GSE1: variants seen among roughly 807,000 people sequenced by gnomAD.
GSE1 encodes the protein genetic suppressor element 1.
In GSE1, 32 loss-of-function variants were observed where a neutral mutation model predicts 112.6. That is an observed-to-expected ratio of 0.28 (90% CI 0.21 to 0.38). GSE1 has a LOEUF of 0.38. Ranked by LOEUF, GSE1 falls within the 10% of genes least tolerant of loss-of-function variation. The probability of loss-of-function intolerance (pLI) is 1.00; values close to 1 mark genes in which losing one functional copy is unlikely to be tolerated. For synonymous variants in GSE1, 1,115 were observed against 735.6 expected, an observed-to-expected ratio of 1.52 and a Z score of -8.35; for missense variants, 2,348 against 1,699.2, an observed-to-expected ratio of 1.38 and a Z score of -6.71.
chr16:85,663,859 A>C (rs150266035), intron 11 of GSE1, among the ~76,000 whole-genome samples: 34 of 152,352 alleles, frequency 2.2e-4, no homozygotes, highest in African/African-American at 7.7e-4. Context: ...CATGTCACTC[A>C]TCCATCTCCC....
intron 1 of GSE1, among the ~76,000 whole-genome samples, chr16:85,172,385 G>A (rs2143139250): frequency 6.6e-6 from 1 of 152,358 alleles, no homozygotes; most frequent in Non-Finnish European, 1.5e-5. Context: ...GAGGGACAGT[G>A]GCCTAAACAG....
chr16:85,467,590 C>G (rs987169235), intron 2 of GSE1, among the ~76,000 whole-genome samples: 1 of 152,178 alleles, frequency 6.6e-6, no homozygotes, highest in African/African-American at 2.4e-5. Flanking sequence ...ATCCCCCCAT[C>G]TCTCAACCTG....
intron 1 of GSE1, among the ~76,000 whole-genome samples, chr16:85,306,507 G>C (rs1392451407): frequency 6.6e-6 from 1 of 152,230 alleles, no homozygotes; most frequent in Non-Finnish European, 1.5e-5. Flanking sequence ...GGAGTTGCAG[G>C]AGAAAGGCTT....
At chr16:85,552,864 C>G (rs755151000), upstream of GSE1, among the ~76,000 whole-genome samples, 3 of 152,218 alleles carry the variant, frequency 2.0e-5, no homozygotes, top group Non-Finnish European at 4.4e-5. Context: ...AGGTTTATTG[C>G]CTGTACAGCT....
upstream of GSE1, among the ~76,000 whole-genome samples, chr16:85,553,261 G>A (rs1237387161): frequency 6.7e-6 from 1 of 149,940 alleles, no homozygotes; most frequent in South Asian, 2.1e-4. Context: ...GAGGGCAGGT[G>A]CCGGACCCCG....
intron 3 of GSE1, among the ~76,000 whole-genome samples, chr16:85,650,742 C>A (rs893765646): frequency 2.0e-5 from 3 of 152,168 alleles, no homozygotes; most frequent in Non-Finnish European, 4.4e-5. Context: ...GGCACAGAGG[C>A]TCAGCGGGGC....
chr16:85,479,716 G>A (rs892246556), intron 2 of GSE1, among the ~76,000 whole-genome samples: 4 of 152,282 alleles, frequency 2.6e-5, no homozygotes, highest in Admixed American at 6.5e-5. Flanking sequence ...GACACTGAGC[G>A]CAGCGAGGGG....
At chr16:85,475,146 C>T (rs538525273) in intron 2 of GSE1, among the ~76,000 whole-genome samples, 108 of 152,366 alleles carry the variant, frequency 7.1e-4, no homozygotes, top group African/African-American at 2.3e-3. Context: ...TCTCTTCCTG[C>T]CCCTCTCAGA....
At chr16:85,621,550 G>T (rs925922133) in intron 1 of GSE1, among the ~76,000 whole-genome samples, 19 of 152,174 alleles carry the variant, frequency 1.2e-4, no homozygotes, top group African/African-American at 4.6e-4. Context: ...CCTTAGCAGG[G>T]ATGCCAGACC....
At chr16:85,514,562 C>G (rs2051862292) in intron 2 of GSE1, among the ~76,000 whole-genome samples, 1 of 152,142 alleles carries the variant, frequency 6.6e-6, no homozygotes, top group African/African-American at 2.4e-5. Context: ...AAGCTTGGCA[C>G]GGCCTCCGGG....
At chr16:85,301,744 A>T (rs975951795) in intron 1 of GSE1, among the ~76,000 whole-genome samples, 24 of 152,082 alleles carry the variant, frequency 1.6e-4, no homozygotes, top group African/African-American at 5.5e-4. Flanking sequence ...GCAGAGGGGC[A>T]CCCCCACAGG....
rs2053595646 is a variant in GSE1 at position 85,674,864 on chromosome 16, A to C, written c.*2325A>C. The stretch of plus-strand genomic sequence containing the variant: ...TGCCCGGCCCTTGAGCTTCTTGCCC[A>C]CTGTCTCCCCATCCTTCCACCTACT... On this transcript the variant is annotated 3_prime_UTR_variant, in exon 16 of 16. Transcript: ENST00000253458. 6.5e-6 allele frequency: 1 copy of C among 152,686 alleles called. No homozygotes were observed. Among genetic ancestry groups the C allele is most frequent in the African/African-American group, 2.4e-5 (1 of 41,432 alleles). The allele number at this position is 152,686 out of a possible 1,614,324, so 9.5% of individuals were successfully genotyped here. A position where few individuals can be genotyped will look rare whatever the true frequency, so the allele number is the denominator to read the frequency against.
At chr16:85,613,175 AGCCAGTGGCCCGGGAGTGG>A, upstream of GSE1, 4 of 1,392,198 alleles carry the variant, frequency 2.9e-6, no homozygotes, top group Non-Finnish European at 3.7e-6. Flanking sequence ...GCCGGGAGCG[AGCCAGTGGCCCGGGAGTGG>A]GCGGCGTTGC....
intron 2 of GSE1, among the ~76,000 whole-genome samples, chr16:85,414,471 A>G (rs1243051280): frequency 1.3e-5 from 2 of 152,164 alleles, no homozygotes; most frequent in Non-Finnish European, 2.9e-5. Context: ...GTGCCATGGA[A>G]AAAGACTACT....
At chr16:85,244,407 C>T (rs573744805) in intron 1 of GSE1, among the ~76,000 whole-genome samples, 26 of 152,278 alleles carry the variant, frequency 1.7e-4, no homozygotes, top group African/African-American at 4.8e-4. Flanking sequence ...CCCTCCTGAG[C>T]CCTTGATTTT....
chr16:85,581,029 T>G (rs560568383), intron 1 of GSE1, among the ~76,000 whole-genome samples: 1 of 152,348 alleles, frequency 6.6e-6, no homozygotes, highest in South Asian at 2.1e-4. Context: ...GGCATTGAGC[T>G]CTTGCCCTGC....
chr16:85,477,567 T>G (rs1477924744), intron 2 of GSE1, among the ~76,000 whole-genome samples: 5 of 50,654 alleles, frequency 9.9e-5, no homozygotes, highest in Non-Finnish European at 2.4e-4. Flanking sequence ...TTTTTTTTTG[T>G]TTTTTTTTTT....
rs1003652758 is a variant in GSE1 at position 85,503,877 on chromosome 16, G to A, written c.2465-130037G>A. Among the ~76,000 whole-genome samples, 11 of 152,294 alleles carry A rather than the reference G, an allele frequency of 7.2e-5. No individual in the cohort carries two copies. The South Asian group carries it at 1.9e-3, about 26-fold the overall frequency. ...GTAAATAACATATTATGCCAGGGAC[G>A]GAAAGCAGCCAGGCTGGGGAATTCG... is the stretch of plus-strand genomic sequence containing the variant. On this transcript the variant is annotated intron_variant, in intron 2 of 2. Transcript: ENST00000637419.
In GSE1 at chr16:85,671,217, G is replaced by A. The variant is rs2053302761; in HGVS notation, c.3519+119G>A. 1.2e-5 allele frequency: 7 copies of A among 568,772 alleles called. No individual in the cohort carries two copies. The South Asian group carries it at 1.3e-4, about 10-fold the overall frequency. 35.2% of individuals were successfully genotyped at this position (568,772 alleles called of 1,614,324 possible). ...GCTCTTAAGAGATCAAAATTTGGCG[G>A]ATCACGAGGTCAGGAGATCGAGACC... On this transcript the variant is annotated intron_variant, in intron 15 of 15. Coordinates refer to ENST00000253458, the MANE Select transcript of GSE1 (RefSeq NM_014615.5).
Sources: allele counts gnomAD v4.1 joint callset (sites outside exome capture counted in the v4.1 genomes callset), GRCh38; gene constraint gnomAD v4.1.1; transcripts MANE v1.5; gene names NCBI Gene and HGNC (gene_info 2026-07-23, HGNC 2026-07-21).